The following GGA2 variants were observed in gnomAD, a reference collection of about 807,000 sequenced individuals.
The protein encoded by GGA2 is ADP-ribosylation factor-binding protein GGA2.
GGA2 carries 48 observed loss-of-function variants against 79.5 expected under a neutral mutation model. That is an observed-to-expected ratio of 0.60 (90% CI 0.48 to 0.77). The LOEUF is 0.77. Among genes scored for constraint, GGA2 ranks in the 30% least tolerant of loss-of-function variants. GGA2 has a pLI of 0.00. For synonymous variants in GGA2, 317 were observed against 302.0 expected, an observed-to-expected ratio of 1.05 and a Z score of -0.51; for missense variants, 770 against 774.0, an observed-to-expected ratio of 0.99 and a Z score of 0.06.
intron 2 of GGA2, 133 bp from the exon 3 acceptor site, chr16:23,494,511 A>G: frequency 1.4e-6 from 1 of 707,358 alleles, no homozygotes; most frequent in Non-Finnish European, 2.6e-6. Context: ...GTGCCTGACA[A>G]ACAGGCCACG....
At chr16:23,472,106 A>G (rs1027271279) in intron 14 of GGA2, among the ~76,000 whole-genome samples, 4 of 151,674 alleles carry the variant, frequency 2.6e-5, no homozygotes, top group African/African-American at 9.7e-5. Context: ...ATCTCCTCAT[A>G]ATCAGGAAGG....
rs370781819 is a variant in GGA2 at position 23,486,098 on chromosome 16, G to A, written c.715C>T (p.Arg239Ter). The A allele has an allele frequency of 2.2e-5, 35 of 1,613,552 alleles. No individual in the cohort carries two copies. The highest frequency in any genetic ancestry group is 2.8e-5 in the Non-Finnish European group (33 of 1,179,580). The change falls in exon 8 of 17, where the codon CGA becomes TGA. Residue 239 changes from arginine to a stop codon, truncating the protein, a stop_gained. Transcript: ENST00000309859. LOFTEE classifies it high-confidence loss of function. ...TCCTGCAGCACCTTCACATGGCTTC[G>A]CACTTCCTCCACCGCACTGACCCTC... ...SKRVSAVEEV[R>*]SHVKVLQEML...
intron 1 of GGA2, among the ~76,000 whole-genome samples, chr16:23,502,670 G>A (rs775297093): frequency 1.8e-4 from 27 of 152,194 alleles, no homozygotes; most frequent in Non-Finnish European, 2.4e-4. Flanking sequence ...CGGTTCTCAC[G>A]GGAGCAGCTT....
chr16:23,480,249 A>G (rs1294002867), intron 10 of GGA2: 5 of 318,492 alleles, frequency 1.6e-5, no homozygotes, highest in East Asian at 6.9e-5. Context: ...CCCAGCTCCA[A>G]GCAGTCTTGA....
chr16:23,506,484 C>T (rs918142485), intron 1 of GGA2, among the ~76,000 whole-genome samples: 4 of 152,176 alleles, frequency 2.6e-5, no homozygotes, highest in African/African-American at 9.7e-5. Context: ...GTGATCCCAT[C>T]CCACTCAACC....
chr16:23,501,275 C>T (rs963027260), intron 1 of GGA2: 4 of 456,052 alleles, frequency 8.8e-6, no homozygotes, highest in Non-Finnish European at 1.8e-5. Flanking sequence ...CGCTCTGTGT[C>T]CTACTAATTG....
intron 1 of GGA2, among the ~76,000 whole-genome samples, chr16:23,520,220 G>A (rs1965128530): frequency 7.4e-6 from 1 of 134,888 alleles, no homozygotes; most frequent in Admixed American, 8.7e-5. Context: ...GCCATTGCAT[G>A]CCAGCCTGGG....
chr16:23,490,345 A>G (rs1329266783), intron 5 of GGA2, among the ~76,000 whole-genome samples: 2 of 152,254 alleles, frequency 1.3e-5, no homozygotes, highest in East Asian at 3.8e-4. Flanking sequence ...ACTGATGGAT[A>G]TGCCAATTAC....
rs933111163 is a variant in GGA2 at position 23,465,544 on chromosome 16, T to C, written c.*2046A>G. 3.8e-5 allele frequency: 24 copies of C among 631,422 alleles called. No homozygotes were observed. The highest frequency in any genetic ancestry group is 3.6e-4 in the African/African-American group (20 of 55,162). The allele number at this position is 631,422 out of a possible 1,614,324, so 39.1% of individuals were successfully genotyped here. On this transcript the variant is annotated 3_prime_UTR_variant, in exon 17 of 17. Transcript: ENST00000309859. ...ATAGGGGAGAAAGCCTGTCTTTATG[T>C]ATAAGTCTCATTCACCCATTTTGAC...
At position 23,493,341 on chromosome 16, in the gene GGA2, G is replaced by A. The variant is rs771736017; in HGVS notation, c.351+19C>T. 6 of 1,451,118 alleles carry A rather than the reference G, an allele frequency of 4.1e-6. No individual in the cohort carries two copies. Among genetic ancestry groups the A allele is most frequent in the African/African-American group, 1.4e-5 (1 of 71,774 alleles). 89.9% of individuals were successfully genotyped at this position (1,451,118 alleles called of 1,614,324 possible). On this transcript the variant is annotated intron_variant, in intron 4 of 16. Coordinates refer to ENST00000309859, the MANE Select transcript of GGA2 (RefSeq NM_015044.4). ...GCGTAGGTGCGACACAGTCAGCAGA[G>A]CCAAGCCCAGGTACTCACCTTTGGG...
intron 14 of GGA2, among the ~76,000 whole-genome samples, chr16:23,472,053 CA>C (rs1037401134): frequency 1.3e-5 from 2 of 151,942 alleles, no homozygotes; most frequent in Non-Finnish European, 2.9e-5. Flanking sequence ...TAATGCAGAT[CA>C]AAATTTTAAA....
intron 1 of GGA2, among the ~76,000 whole-genome samples, chr16:23,509,430 CCCT>C (rs1016472661): frequency 6.6e-6 from 1 of 152,256 alleles, no homozygotes; most frequent in East Asian, 1.9e-4. Flanking sequence ...GAAACGAACG[CCCT>C]CCTCCTCCTC....
At position 23,465,420 on chromosome 16, in the gene GGA2, CT is replaced by C; in HGVS notation, c.*2169del. 1 of 703,028 alleles carries C rather than the reference CT, an allele frequency of 1.4e-6. No individual in the cohort carries two copies. Among genetic ancestry groups the C allele is most frequent in the Admixed American group, 2.0e-5 (1 of 50,004 alleles). 43.5% of individuals were successfully genotyped at this position (703,028 alleles called of 1,614,324 possible). On this transcript the variant is annotated 3_prime_UTR_variant, in exon 17 of 17. Coordinates refer to ENST00000309859, the MANE Select transcript of GGA2 (RefSeq NM_015044.4). Reference sequence around the variant, plus strand: ...CAGCCTGCCTCCTCTCCTCCTACCCCTATCCTGTCCAACACCTAAGCATAGT... The same window carrying C: ...CAGCCTGCCTCCTCTCCTCCTACCCCATCCTGTCCAACACCTAAGCATAGT...
chr16:23,513,097 C>T (rs1193355072), upstream of GGA2, among the ~76,000 whole-genome samples: 2 of 152,176 alleles, frequency 1.3e-5, no homozygotes, highest in Non-Finnish European at 2.9e-5. Flanking sequence ...AAAACCTGGA[C>T]GTGACTAGAG....
Position 23,465,492 on chromosome 16 carries a change from A to G in GGA2, c.*2098T>C. On this transcript the variant is annotated 3_prime_UTR_variant, in exon 17 of 17. Transcript: ENST00000309859. ...TCCTCAAAAGCAAGAATGTTCAGGT[A>G]CACATGTGTGAGTTCACCTCCTAAC... 1.4e-6 allele frequency: 1 copy of G among 696,064 alleles called. No individual in the cohort carries two copies. The highest frequency in any genetic ancestry group is 2.6e-6 in the Non-Finnish European group (1 of 381,152). 43.1% of individuals were successfully genotyped at this position (696,064 alleles called of 1,614,324 possible). A position where few individuals can be genotyped will look rare whatever the true frequency, so the allele number is the denominator to read the frequency against.
At chr16:23,500,805 C>T (rs1261041134) in intron 1 of GGA2, 1 of 184,076 alleles carries the variant, frequency 5.4e-6, no homozygotes, top group East Asian at 1.7e-4. Context: ...ACCTGCAGCA[C>T]ATCAGTGACC....
chr16:23,499,145 C>CT (rs34195789), intron 1 of GGA2, among the ~76,000 whole-genome samples: 101,107 of 134,610 alleles, frequency 0.75, 38,573 homozygotes, highest in Non-Finnish European at 0.82. Flanking sequence ...CGGGCACCAC[C>CT]TTTTTTTTTT....
At chr16:23,497,122 A>G (rs986603044) in intron 1 of GGA2, among the ~76,000 whole-genome samples, 2 of 138,406 alleles carry the variant, frequency 1.4e-5, no homozygotes, top group East Asian at 2.2e-4. Context: ...AAAAAAAAAA[A>G]CAACCACCCT....
At chr16:23,506,779 T>C (rs577855650) in intron 1 of GGA2, among the ~76,000 whole-genome samples, 97 of 152,304 alleles carry the variant, frequency 6.4e-4, no homozygotes, top group African/African-American at 2.3e-3. Context: ...GAGCACCCAA[T>C]ACTCAGGTGG....
Sources: allele counts gnomAD v4.1 joint callset (sites outside exome capture counted in the v4.1 genomes callset), GRCh38; gene constraint gnomAD v4.1.1; transcripts MANE v1.5; gene names NCBI Gene and HGNC (gene_info 2026-07-23, HGNC 2026-07-21).